The following PLEKHA7 variants were observed in gnomAD, a reference collection of about 807,000 sequenced individuals.
PLEKHA7 encodes the protein pleckstrin homology domain-containing family A member 7.
PLEKHA7 carries 104 observed loss-of-function variants against 170.0 expected under a neutral mutation model. That is an observed-to-expected ratio of 0.61 (90% CI 0.52 to 0.72). The LOEUF is 0.72. Among genes scored for constraint, PLEKHA7 ranks in the 30% least tolerant of loss-of-function variants. The pLI is 0.00. For synonymous variants in PLEKHA7, 648 were observed against 660.8 expected (o/e 0.98, Z 0.30); for missense variants, 1,615 against 1,671.7 (o/e 0.97, Z 0.59).
intron 3 of PLEKHA7, among the ~76,000 whole-genome samples, chr11:16,918,801 G>C (rs1204257029): frequency 1.3e-5 from 2 of 152,108 alleles, no homozygotes; most frequent in Non-Finnish European, 2.9e-5. Context: ...AAGGACTCTA[G>C]CTATATCCTA....
chr11:16,898,923 T>C (rs192928358), intron 3 of PLEKHA7, among the ~76,000 whole-genome samples: 3 of 152,300 alleles, frequency 2.0e-5, no homozygotes, highest in Admixed American at 2.0e-4. Flanking sequence ...GGGAAAACTA[T>C]GGCTTCACTG....
At chr11:16,835,939 G>C (rs7944962) in intron 9 of PLEKHA7, among the ~76,000 whole-genome samples, 148,373 of 152,292 alleles carry the variant, frequency 0.97, 72,280 homozygotes, top group East Asian at 1. Flanking sequence ...CCTTGGGAAT[G>C]TGCACCACCT....
At chr11:16,808,120 C>G (rs534960889) in intron 13 of PLEKHA7, among the ~76,000 whole-genome samples, 1 of 152,220 alleles carries the variant, frequency 6.6e-6, no homozygotes, top group Non-Finnish European at 1.5e-5. Flanking sequence ...GTCTGAGGAT[C>G]ACATTTTGAG....
At chr11:16,814,781 C>T (rs549479819) in intron 12 of PLEKHA7, among the ~76,000 whole-genome samples, 1 of 152,212 alleles carries the variant, frequency 6.6e-6, no homozygotes, top group Non-Finnish European at 1.5e-5. Context: ...GGCAGCAGGG[C>T]ACCATCCAGA....
At chr11:16,925,175 T>C (rs528225430) in intron 3 of PLEKHA7, among the ~76,000 whole-genome samples, 2,108 of 152,332 alleles carry the variant, frequency 0.014, 22 homozygotes, top group Admixed American at 0.021. Flanking sequence ...TGCGGGGCCG[T>C]GGGGTCCCCA....
chr11:16,779,060 A>G (rs978626828), intron 26 of PLEKHA7, 40 bp from the exon 27 acceptor site: 3 of 702,378 alleles, frequency 4.3e-6, no homozygotes, highest in African/African-American at 3.5e-5. Flanking sequence ...GCTGGCATCC[A>G]GGGAGCAGGC....
At chr11:16,846,211 G>A (rs1484608446) in intron 8 of PLEKHA7, among the ~76,000 whole-genome samples, 2 of 152,114 alleles carry the variant, frequency 1.3e-5, no homozygotes, top group South Asian at 4.2e-4. Context: ...CTTGAACCTG[G>A]GAGGCAGAGG....
Position 16,858,484 on chromosome 11 carries a change from T to G in PLEKHA7, c.306-2570A>C, listed in dbSNP as rs140107162. On this transcript the variant is annotated intron_variant, in intron 4 of 26. Transcript: ENST00000531066. ...TTTGCCATTTTTGCACCTTGCAATC[T>G]TTAACAAATTTTTTTTTTTTTTTTT... is the stretch of plus-strand genomic sequence containing the variant. 3.3e-5 allele frequency among the ~76,000 whole-genome samples: 5 copies of G among 151,458 alleles called. No homozygotes were observed. In the East Asian group the frequency reaches 9.8e-4, roughly 30 times the overall value.
chr11:16,936,284 C>A (rs916341145), intron 3 of PLEKHA7, among the ~76,000 whole-genome samples: 1 of 151,342 alleles, frequency 6.6e-6, no homozygotes, highest in African/African-American at 2.4e-5. Context: ...TGCCTGTAAT[C>A]CCAGCTACTC....
intron 3 of PLEKHA7, among the ~76,000 whole-genome samples, chr11:16,949,327 A>G (rs889231514): frequency 2.0e-5 from 3 of 152,180 alleles, no homozygotes; most frequent in Admixed American, 6.5e-5. Flanking sequence ...AGAAGACTCT[A>G]GATGCTCAGC....
Position 16,791,532 on chromosome 11 carries a change from C to A in PLEKHA7, c.2746-333G>T. The A allele has an allele frequency of 1.9e-6, 1 of 520,876 alleles. No individual in the cohort carries two copies. The highest frequency in any genetic ancestry group is 3.7e-6 in the Non-Finnish European group (1 of 269,048). 32.3% of individuals were successfully genotyped at this position (520,876 alleles called of 1,614,324 possible). On this transcript the variant is annotated intron_variant, in intron 19 of 26. Transcript: ENST00000531066. The surrounding 1 kb of genome is among the most constrained non-coding windows in gnomAD (Gnocchi z 4.5). ...CCCTCCGCTCATCTGGAGTGCACAT[C>A]GCAGGCAGGCTGCTAACCCTGCCCT... is the stretch of plus-strand genomic sequence containing the variant.
chr11:16,908,215 T>C (rs1407364644), intron 3 of PLEKHA7, among the ~76,000 whole-genome samples: 2 of 143,734 alleles, frequency 1.4e-5, no homozygotes, highest in Non-Finnish European at 3.0e-5. Flanking sequence ...CCTGTGACCC[T>C]GCCAAATCCC....
chr11:16,923,485 T>A (rs1859253924), intron 3 of PLEKHA7, among the ~76,000 whole-genome samples: 1 of 152,142 alleles, frequency 6.6e-6, no homozygotes, highest in Non-Finnish European at 1.5e-5. Flanking sequence ...CTCTTTAAAG[T>A]CAAGCCTTCC....
chr11:16,957,697 C>CTTTTTTTTT (rs1169142909), intron 3 of PLEKHA7, among the ~76,000 whole-genome samples: 4 of 87,296 alleles, frequency 4.6e-5, no homozygotes, highest in African/African-American at 1.5e-4. Context: ...TAATTTTTTT[C>CTTTTTTTTT]TTTTTTTTTT....
chr11:16,857,029 T>G (rs986179752), intron 4 of PLEKHA7, among the ~76,000 whole-genome samples: 18 of 152,112 alleles, frequency 1.2e-4, no homozygotes, highest in African/African-American at 3.4e-4. Flanking sequence ...GAAGCAACAC[T>G]CATAAAGTCC....
intron 3 of PLEKHA7, among the ~76,000 whole-genome samples, chr11:16,987,989 G>A (rs1471915252): frequency 6.6e-6 from 1 of 152,256 alleles, no homozygotes; most frequent in Non-Finnish European, 1.5e-5. Flanking sequence ...CAGACAGTGT[G>A]TGGAAGGCCA....
At chr11:16,913,203 A>G (rs991905820) in intron 3 of PLEKHA7, among the ~76,000 whole-genome samples, 1 of 152,098 alleles carries the variant, frequency 6.6e-6, no homozygotes, top group African/African-American at 2.4e-5. Context: ...GGCCAATGCA[A>G]TTGGGGCTGA....
At chr11:16,967,683 C>T (rs1862458137) in intron 3 of PLEKHA7, among the ~76,000 whole-genome samples, 1 of 152,182 alleles carries the variant, frequency 6.6e-6, no homozygotes, top group Non-Finnish European at 1.5e-5. Context: ...ATCAGCTCCC[C>T]TTCTGCAACA....
chr11:16,808,869 C>T (rs945227177), intron 13 of PLEKHA7, among the ~76,000 whole-genome samples: 1 of 152,172 alleles, frequency 6.6e-6, no homozygotes, highest in African/African-American at 2.4e-5. Flanking sequence ...GTGGGCAAAG[C>T]GTGTGATGCA....
Sources: allele counts gnomAD v4.1 joint callset (sites outside exome capture counted in the v4.1 genomes callset), GRCh38; gene constraint gnomAD v4.1.1; non-coding constraint Gnocchi (gnomAD v3.1); transcripts MANE v1.5; gene names NCBI Gene and HGNC (gene_info 2026-07-23, HGNC 2026-07-21).